The following RGS8 variants were observed in gnomAD, a reference collection of about 807,000 sequenced individuals.
RGS8 encodes regulator of G protein signaling 8.
A neutral mutation model predicts 21.7 loss-of-function variants in RGS8; 8 were observed. The observed-to-expected ratio is 0.37, with a 90% CI of 0.22 to 0.66. The LOEUF (loss-of-function observed/expected upper bound fraction) is 0.66, where lower values mean the gene tolerates loss of function less well. RGS8 is among the 30% of genes least tolerant of loss of function. RGS8 has a pLI of 0.59. For synonymous variants in RGS8, 80 were observed against 83.6 expected, an observed-to-expected ratio of 0.96 and a Z score of 0.24; for missense variants, 157 against 217.9, an observed-to-expected ratio of 0.72 and a Z score of 1.76.
At chr1:182,669,779 G>A in intron 2 of RGS8, 27 bp from the exon 4 acceptor site, 1 of 1,546,838 alleles carries the variant, frequency 6.5e-7, no homozygotes, top group Non-Finnish European at 8.7e-7. Flanking sequence ...TGCTGTAAGA[G>A]GGGCCACCCT....
intron 1 of RGS8, among the ~76,000 whole-genome samples, chr1:182,683,661 A>G (rs563428506): frequency 6.6e-6 from 1 of 150,814 alleles, no homozygotes; most frequent in South Asian, 2.1e-4. Context: ...GTCACTGACT[A>G]GACAGTGCTG....
the RGS8 span, among the ~76,000 whole-genome samples, chr1:182,742,237 T>C: frequency 2.4e-3 from 346 of 145,962 alleles, 2 homozygotes; most frequent in African/African-American, 8.3e-3. Context: ...CGGGCAGAGA[T>C]GCTCCTCACT....
intron 5 of RGS8, among the ~76,000 whole-genome samples, chr1:182,656,432 T>C (rs1197903358): frequency 1.3e-5 from 2 of 152,168 alleles, no homozygotes; most frequent in Non-Finnish European, 2.9e-5. Context: ...GTGCCACCAA[T>C]AACTTGGAAC....
chr1:182,737,175 G>C, the RGS8 span, among the ~76,000 whole-genome samples: 2 of 151,484 alleles, frequency 1.3e-5, no homozygotes, highest in African/African-American at 2.4e-5. Flanking sequence ...ATTCCTCTTT[G>C]GTGTCTAATC....
upstream of RGS8, among the ~76,000 whole-genome samples, chr1:182,676,871 C>T (rs562465028): frequency 8.7e-4 from 133 of 152,300 alleles, no homozygotes; most frequent in Middle Eastern, 3.4e-3. Context: ...ATTTCAACTT[C>T]AATTTCCTCA....
At chr1:182,741,984 A>G in the RGS8 span, among the ~76,000 whole-genome samples, 7 of 138,362 alleles carry the variant, frequency 5.1e-5, no homozygotes, top group Admixed American at 2.8e-4. Context: ...CACTTCTCAG[A>G]CGGGGCGGTT....
the RGS8 span, among the ~76,000 whole-genome samples, chr1:182,690,806 G>A: frequency 2.0e-5 from 3 of 152,064 alleles, no homozygotes; most frequent in Admixed American, 6.5e-5. Flanking sequence ...TCCATTACAC[G>A]GTACTCTCTC....
At chr1:182,706,268 T>A in the RGS8 span, among the ~76,000 whole-genome samples, 25 of 152,118 alleles carry the variant, frequency 1.6e-4, no homozygotes, top group Non-Finnish European at 2.9e-4. Flanking sequence ...GGATTATAGG[T>A]GTGCACCACC....
intron 1 of RGS8, among the ~76,000 whole-genome samples, chr1:182,679,309 T>C (rs1417893470): frequency 1.3e-5 from 2 of 152,096 alleles, no homozygotes; most frequent in Non-Finnish European, 2.9e-5. Flanking sequence ...ACAGCCTCCA[T>C]ACTGTGAGGT....
At chr1:182,667,453 G>A (rs375572382) in intron 3 of RGS8, among the ~76,000 whole-genome samples, 1 of 152,102 alleles carries the variant, frequency 6.6e-6, no homozygotes, top group African/African-American at 2.4e-5. Context: ...ACAAAGCAGG[G>A]GGCCTCAAGG....
At chr1:182,741,509 C>A in the RGS8 span, among the ~76,000 whole-genome samples, 1 of 134,724 alleles carries the variant, frequency 7.4e-6, no homozygotes. Flanking sequence ...CTGACCCCGC[C>A]ACCTCCCTCC....
chr1:182,722,476 T>G, the RGS8 span, among the ~76,000 whole-genome samples: 1 of 150,860 alleles, frequency 6.6e-6, no homozygotes, highest in African/African-American at 2.4e-5. Context: ...CCATGCTCCC[T>G]CCTGAGGACT....
rs1438554159 is a variant in RGS8 at position 182,668,581 on chromosome 1, C to A, written c.26+1043G>T. 2.0e-5 allele frequency among the ~76,000 whole-genome samples: 3 copies of A among 152,230 alleles called. No individual in the cohort carries two copies. The East Asian group carries it at 5.8e-4, about 29-fold the overall frequency. ...TGGACAGCATTTGTATTCCACAGCA[C>A]ATCTCTGAAGAGCCTCCTAGGGCTG... On this transcript the variant is annotated intron_variant, in intron 3 of 6. Coordinates refer to ENST00000483095, the Ensembl canonical transcript of RGS8.
the RGS8 span, among the ~76,000 whole-genome samples, chr1:182,697,580 G>A: frequency 1.3e-5 from 2 of 152,310 alleles, no homozygotes; most frequent in African/African-American, 2.4e-5. Context: ...TACCCGGAGA[G>A]GGCAGACCAC....
chr1:182,696,974 A>G, the RGS8 span, among the ~76,000 whole-genome samples: 1 of 152,148 alleles, frequency 6.6e-6, no homozygotes, highest in African/African-American at 2.4e-5. Context: ...GTTTCTTATC[A>G]TCTGTCTGGC....
chr1:182,742,143 C>T, the RGS8 span, among the ~76,000 whole-genome samples: 506 of 149,378 alleles, frequency 3.4e-3, 5 homozygotes, highest in African/African-American at 0.012. Context: ...AGACGATGGG[C>T]GGCCGGGCAG....
At chr1:182,703,453 T>C in the RGS8 span, among the ~76,000 whole-genome samples, 5 of 152,330 alleles carry the variant, frequency 3.3e-5, no homozygotes, top group African/African-American at 1.2e-4. Context: ...AAAAGGTACA[T>C]TTGCATAGAC....
At chr1:182,662,056 G>A (rs1663618597) in intron 5 of RGS8, among the ~76,000 whole-genome samples, 1 of 152,010 alleles carries the variant, frequency 6.6e-6, no homozygotes, top group South Asian at 2.1e-4. Context: ...GACCTCCATG[G>A]GTGCTTCTTC....
At chr1:182,694,137 G>GA in the RGS8 span, among the ~76,000 whole-genome samples, 2,336 of 137,920 alleles carry the variant, frequency 0.017, 53 homozygotes, top group African/African-American at 0.056. Flanking sequence ...AATGTGGAAA[G>GA]AAAAAAAAAA....
Sources: allele counts gnomAD v4.1 joint callset (sites outside exome capture counted in the v4.1 genomes callset), GRCh38; gene constraint gnomAD v4.1.1; transcripts MANE v1.5; gene names NCBI Gene and HGNC (gene_info 2026-07-23, HGNC 2026-07-21).